Variants in SHLD1 observed in about 807,000 individuals in gnomAD.
SHLD1 encodes RINN1-REV7-interacting novel NHEJ regulator 3.
In SHLD1, 3 loss-of-function variants were observed where a neutral mutation model predicts 5.5. That is an observed-to-expected ratio of 0.54 (90% CI 0.25 to 1.40). The LOEUF (loss-of-function observed/expected upper bound fraction) is 1.40, where lower values mean the gene tolerates loss of function less well. Ranked by LOEUF, SHLD1 falls within the 40% of genes most tolerant of loss-of-function variation. SHLD1 has a pLI of 0.15. For synonymous variants in SHLD1, 92 were observed against 94.3 expected (o/e 0.98, Z 0.14); for missense variants, 210 against 244.4 (o/e 0.86, Z 0.94).
At chr20:5,852,631 G>T (rs1225724251) in intron 2 of SHLD1, among the ~76,000 whole-genome samples, 1 of 152,002 alleles carries the variant, frequency 6.6e-6, no homozygotes, top group Non-Finnish European at 1.5e-5. Flanking sequence ...TGTATTTTTA[G>T]TAGAGACGGG....
chr20:5,839,783 G>A (rs237093), intron 2 of SHLD1, among the ~76,000 whole-genome samples: 65,551 of 152,044 alleles, frequency 0.43, 16,653 homozygotes, highest in African/African-American at 0.7. Flanking sequence ...ACTTCAGGAT[G>A]CTTTTAAGTA....
intron 2 of SHLD1, among the ~76,000 whole-genome samples, chr20:5,781,975 A>G (rs1237237285): frequency 6.6e-6 from 1 of 152,098 alleles, no homozygotes; most frequent in Non-Finnish European, 1.5e-5. Context: ...CTGCTGTCCA[A>G]CTGCACATTA....
intron 2 of SHLD1, among the ~76,000 whole-genome samples, chr20:5,786,928 C>T (rs1000700729): frequency 1.3e-5 from 2 of 151,996 alleles, no homozygotes; most frequent in African/African-American, 2.4e-5. Context: ...TGGCAGGATC[C>T]TCTCATGTGT....
At chr20:5,816,282 A>T (rs574901933) in intron 2 of SHLD1, among the ~76,000 whole-genome samples, 5 of 151,990 alleles carry the variant, frequency 3.3e-5, no homozygotes, top group East Asian at 1.9e-4. Context: ...CTTGAATGAC[A>T]TTTTTTTTAT....
chr20:5,767,653 C>T (rs1343475129), intron 1 of SHLD1, among the ~76,000 whole-genome samples: 2 of 152,210 alleles, frequency 1.3e-5, no homozygotes, highest in African/African-American at 2.4e-5. Context: ...GTCAAATCTG[C>T]AGATCTGACC....
intron 2 of SHLD1, among the ~76,000 whole-genome samples, chr20:5,854,440 G>A (rs963305804): frequency 5.3e-5 from 8 of 152,030 alleles, no homozygotes; most frequent in South Asian, 2.1e-4. Flanking sequence ...GAGCCACAGC[G>A]CCCAGCCTCC....
intron 2 of SHLD1, among the ~76,000 whole-genome samples, chr20:5,844,793 ATATATAT>A (rs1268157864): frequency 2.3e-4 from 22 of 96,170 alleles, no homozygotes; most frequent in African/African-American, 1.5e-3. Flanking sequence ...ATATATATAT[ATATATAT>A]TTTTTTTTTT....
chr20:5,784,885 C>G (rs2087038996), intron 2 of SHLD1, among the ~76,000 whole-genome samples: 1 of 152,186 alleles, frequency 6.6e-6, no homozygotes, highest in Non-Finnish European at 1.5e-5. Context: ...CCTGCAGTCA[C>G]AGTTTTAAAA....
chr20:5,751,760 A>G (rs1983762783), intron 1 of SHLD1, among the ~76,000 whole-genome samples: 1 of 152,126 alleles, frequency 6.6e-6, no homozygotes, highest in Non-Finnish European at 1.5e-5. Context: ...AAACCCAAAA[A>G]GTCTTTAGTA....
chr20:5,787,496 T>G (rs1426603999), intron 2 of SHLD1, among the ~76,000 whole-genome samples: 1 of 152,232 alleles, frequency 6.6e-6, no homozygotes, highest in South Asian at 2.1e-4. Flanking sequence ...CCCAGCTTAT[T>G]AGAACATAAC....
chr20:5,827,626 A>G (rs1299165113), intron 2 of SHLD1, among the ~76,000 whole-genome samples: 3 of 151,572 alleles, frequency 2.0e-5, no homozygotes, highest in Non-Finnish European at 1.5e-5. Context: ...CCAAATACAC[A>G]ATGACCTTTG....
intron 1 of SHLD1, among the ~76,000 whole-genome samples, chr20:5,768,566 G>A (rs899093402): frequency 6.6e-6 from 1 of 152,194 alleles, no homozygotes. Context: ...ATAATTGACT[G>A]ACTGCATGTT....
rs191223020 is a variant in SHLD1 at position 5,850,604 on chromosome 20, G to A, written c.179-12420G>A. Among the ~76,000 whole-genome samples the A allele has an allele frequency of 1.2e-3, 176 of 149,494 alleles. 1 individual carries two copies. The highest frequency in any genetic ancestry group is 2.3e-3 in the Non-Finnish European group (154 of 67,464). ...CGGCTCACTGCAACCTCCACCTCCC[G>A]GGTTCAAGCAATTCTCCTGCCTCAG... On this transcript the variant is annotated intron_variant, in intron 2 of 2. Coordinates refer to ENST00000303142, the MANE Select transcript of SHLD1 (RefSeq NM_152504.4).
At chr20:5,770,250 A>C (rs77756708) in intron 1 of SHLD1, among the ~76,000 whole-genome samples, 6,900 of 152,182 alleles carry the variant, frequency 0.045, 226 homozygotes, top group Non-Finnish European at 0.069. Flanking sequence ...CCTTTCTCTA[A>C]CTCAAAAGTG....
chr20:5,862,913 A>T, intron 2 of SHLD1, 111 bp from the exon 3 acceptor site: 2 of 919,070 alleles, frequency 2.2e-6, no homozygotes, highest in Non-Finnish European at 3.2e-6. Context: ...ATTGCCAGTT[A>T]CTCAGGAACA....
At chr20:5,843,766 C>T (rs1270792233) in intron 2 of SHLD1, among the ~76,000 whole-genome samples, 1 of 152,200 alleles carries the variant, frequency 6.6e-6, no homozygotes, top group African/African-American at 2.4e-5. Context: ...TTCAGAATAT[C>T]TTGTCTACCA....
intron 2 of SHLD1, among the ~76,000 whole-genome samples, chr20:5,849,857 G>A (rs1002109309): frequency 6.7e-5 from 10 of 150,194 alleles, no homozygotes; most frequent in African/African-American, 2.2e-4. Flanking sequence ...TACTCGGGAG[G>A]CTGAGGCAGG....
chr20:5,759,811 G>A (rs1327417422), intron 1 of SHLD1, among the ~76,000 whole-genome samples: 1 of 152,060 alleles, frequency 6.6e-6, no homozygotes, highest in African/African-American at 2.4e-5. Flanking sequence ...AAATTGCTAG[G>A]ATTGCAGGCA....
chr20:5,753,569 G>T (rs953413982), intron 1 of SHLD1, among the ~76,000 whole-genome samples: 2 of 152,236 alleles, frequency 1.3e-5, no homozygotes, highest in Non-Finnish European at 2.9e-5. Flanking sequence ...AGCTTGCATA[G>T]GTAAATGCCG....
Sources: allele counts gnomAD v4.1 joint callset (sites outside exome capture counted in the v4.1 genomes callset), GRCh38; gene constraint gnomAD v4.1.1; transcripts MANE v1.5; gene names NCBI Gene and HGNC (gene_info 2026-07-23, HGNC 2026-07-21).